ADGRG1: variants seen among roughly 807,000 people sequenced by gnomAD.
ADGRG1 encodes adhesion G protein-coupled receptor G1.
A neutral mutation model predicts 73.5 loss-of-function variants in ADGRG1; 53 were observed. The ratio of observed to expected loss-of-function variants is 0.72; its 90% CI spans 0.58 to 0.91. The LOEUF (loss-of-function observed/expected upper bound fraction) is 0.91, where lower values mean the gene tolerates loss of function less well. Among genes scored for constraint, ADGRG1 ranks in the 40% least tolerant of loss-of-function variants. The probability of loss-of-function intolerance (pLI) is 0.00; values close to 1 mark genes in which losing one functional copy is unlikely to be tolerated. For synonymous variants in ADGRG1, 394 were observed against 374.4 expected (o/e 1.05, Z -0.60); for missense variants, 795 against 871.8 (o/e 0.91, Z 1.11).
rs765957476 is a variant in ADGRG1 at position 57,651,555 on chromosome 16, C to T, written c.420C>T (p.Val140=). 1.1e-5 allele frequency: 17 copies of T among 1,614,098 alleles called. No homozygotes were observed. The East Asian group carries it at 3.3e-4, about 32-fold the overall frequency. The change falls in exon 3 of 14, where the codon GTC becomes GTT. Residue 140 remains valine (V), a synonymous_variant. Coordinates refer to ENST00000562631, the MANE Select transcript of ADGRG1 (RefSeq NM_201525.4). ...AQGPPLLATS[V]TSWWSPQNIS... ...GCCCCCCGCTGTTAGCCACTTCTGT[C>T]ACCTCCTGGTGGAGCCCTCAGAACA...
Position 57,656,251 on chromosome 16 carries a change from T to C in ADGRG1, c.1043T>C (p.Phe348Ser). 1.2e-6 allele frequency: 2 copies of C among 1,608,968 alleles called. No individual in the cohort carries two copies. Among genetic ancestry groups the C allele is most frequent in the Non-Finnish European group, 1.7e-6 (2 of 1,177,506 alleles). ...AAGAATGTGACTCTGCAATGTGTGT[T>C]CTGGGTTGAAGACCCCACATGTGAG... is the stretch of plus-strand genomic sequence containing the variant. Reference protein sequence around the residue: ...QPKNVTLQCVFWVEDPTLSSP... With the variant: ...QPKNVTLQCVSWVEDPTLSSP... The change falls in exon 8 of 14, where the codon TTC becomes TCC. Residue 348 changes from phenylalanine to serine, a missense_variant. Phe to Ser is a radical substitution (Grantham distance 155). Coordinates refer to ENST00000562631, the MANE Select transcript of ADGRG1 (RefSeq NM_201525.4).
Position 57,655,898 on chromosome 16 carries a change from TG to T in ADGRG1, c.926del (p.Gly309ValfsTer14). 1 of 1,614,160 alleles carries T rather than the reference TG, an allele frequency of 6.2e-7. No homozygotes were observed. Among genetic ancestry groups the T allele is most frequent in the Non-Finnish European group, 8.5e-7 (1 of 1,180,020 alleles). On this transcript the variant is annotated frameshift_variant, in exon 7 of 14. Coordinates refer to ENST00000562631, the MANE Select transcript of ADGRG1 (RefSeq NM_201525.4). LOFTEE classifies it high-confidence loss of function. ...LFQDKNSSQV[L>X]GEKVLGIVVQ... ...TAGGACAAGAATTCCAGCCAAGTCC[TG>T]GGTGAGAAGGTCTTGGGGATTGTGG...
intron 1 of ADGRG1, chr16:57,643,853 T>C: frequency 1.0e-6 from 1 of 980,336 alleles, no homozygotes; most frequent in Non-Finnish European, 1.2e-6. Context: ...GCTTCTGCCT[T>C]TGCAAGCTGT....
At chr16:57,655,050 T>G (rs1174517495) in intron 5 of ADGRG1, 1 of 984,946 alleles carries the variant, frequency 1.0e-6, no homozygotes, top group Admixed American at 6.2e-5. Flanking sequence ...GCCCCCTGAG[T>G]GGCTCTGGTT....
intron 1 of ADGRG1, chr16:57,643,075 A>G (rs1280400443): frequency 1.3e-5 from 2 of 152,066 alleles, no homozygotes; most frequent in Non-Finnish European, 2.9e-5. Context: ...GGCCCTTTTC[A>G]CTGCACCAGA....
chr16:57,631,486 G>A, intron 1 of ADGRG1: 3 of 985,602 alleles, frequency 3.0e-6, no homozygotes, highest in African/African-American at 1.7e-5. Context: ...AGGGAGGAGA[G>A]GGGAGTGTGA....
chr16:57,658,852 A>G, intron 10 of ADGRG1: 2 of 501,780 alleles, frequency 4.0e-6, no homozygotes, highest in Non-Finnish European at 5.1e-6. Context: ...AGATGGTGCC[A>G]TGAGTTAGGG....
At chr16:57,636,012 C>T in intron 1 of ADGRG1, 1 of 985,414 alleles carries the variant, frequency 1.0e-6, no homozygotes, top group Non-Finnish European at 1.2e-6. Context: ...GGACACACCC[C>T]ACCCCCAGCC....
chr16:57,665,019 A>G lies in ADGRG1; in HGVS notation c.*1437A>G, dbSNP rs3180467. The G allele has an allele frequency of 0.49, 74,040 of 152,292 alleles. 18,428 individuals are homozygous for G. The highest frequency in any genetic ancestry group is 0.63 in the East Asian group (3,243 of 5,180). The allele number at this position is 152,292 out of a possible 1,614,324, so 9.4% of individuals were successfully genotyped here. On this transcript the variant is annotated 3_prime_UTR_variant, in exon 14 of 14. Coordinates refer to ENST00000562631, the MANE Select transcript of ADGRG1 (RefSeq NM_201525.4). ...AAAATAAAAATCAGCTGTTGTAATC[A>G]CCTAGCAAACTGGCGTAAGCATTTT...
intron 1 of ADGRG1, chr16:57,636,265 C>T (rs533242190): frequency 1.0e-6 from 1 of 985,358 alleles, no homozygotes; most frequent in Admixed American, 6.1e-5. Flanking sequence ...AGGTTCAGTG[C>T]TCACAGATTC....
Position 57,651,588 on chromosome 16 carries a change from G to A in ADGRG1, c.453G>A (p.Leu151=), listed in dbSNP as rs747303828. The A allele has an allele frequency of 1.9e-6, 3 of 1,613,960 alleles. No homozygotes were observed. In the African/African-American group the frequency reaches 4.0e-5, roughly 22 times the overall value. ...GGTGGAGCCCTCAGAACATCAGCCT[G>A]CCCAGTGCCGCCAGCTTCACCTTCT... is the stretch of plus-strand genomic sequence containing the variant. ...TSWWSPQNIS[L]PSAASFTFSF... is the part of the protein sequence containing the mutation. The change falls in exon 3 of 14, where the codon CTG becomes CTA. Residue 151 remains leucine, a synonymous_variant. Coordinates refer to ENST00000562631, the MANE Select transcript of ADGRG1 (RefSeq NM_201525.4).
intron 10 of ADGRG1, 170 bp from the exon 11 acceptor site, chr16:57,659,243 G>T (rs1411918278): frequency 1.3e-6 from 2 of 1,487,430 alleles, no homozygotes; most frequent in African/African-American, 1.4e-5. Flanking sequence ...TGCACAGGGG[G>T]ATGTGGGGAA....
intron 1 of ADGRG1, chr16:57,632,848 C>T (rs2038361742): frequency 1.0e-6 from 1 of 985,308 alleles, no homozygotes; most frequent in Non-Finnish European, 1.2e-6. Context: ...GGGGAGATGG[C>T]CTTGCTGTCC....
chr16:57,655,366 G>A (rs779818995), intron 5 of ADGRG1, 33 bp from the exon 6 acceptor site: 59 of 1,609,108 alleles, frequency 3.7e-5, no homozygotes, highest in South Asian at 7.7e-5. Context: ...CTAGGGGTCC[G>A]CATTTGGCTG....
chr16:57,641,555 T>C, intron 1 of ADGRG1: 1 of 979,764 alleles, frequency 1.0e-6, no homozygotes, highest in Non-Finnish European at 1.2e-6. Context: ...TTCAATCAAT[T>C]CTAAAAGTCC....
Position 57,661,768 on chromosome 16 carries a change from A to G in ADGRG1, c.1736A>G (p.Asn579Ser), listed in dbSNP as rs781224334. ...LGLFSLVFLFNMAMLATMVVQ... is the reference protein window; with the variant it reads ...LGLFSLVFLFSMAMLATMVVQ... ...CTCTTCAGCCTGGTGTTTCTGTTCA[A>G]CATGGCCATGCTAGCCACCATGGTG... The change falls in exon 13 of 14, where the codon AAC (asparagine) becomes AGC (serine). Residue 579 changes from asparagine to serine, a missense_variant. By Grantham distance (46) the Asn-to-Ser change is conservative. Transcript: ENST00000562631. The G allele has an allele frequency of 1.2e-6, 2 of 1,614,170 alleles. No individual in the cohort carries two copies. Among genetic ancestry groups the G allele is most frequent in the East Asian group, 2.2e-5 (1 of 44,878 alleles).
chr16:57,663,381 G>T lies in ADGRG1; in HGVS notation c.1934-71G>T, dbSNP rs147495456. ...GGTGGGGCAGACCCGAGTCACAATG[G>T]CTGGGGAGGGAGGAGGAGGGATGGG... On this transcript the variant is annotated intron_variant, in intron 13 of 13. Transcript: ENST00000562631. 12,004 of 1,598,098 alleles carry T rather than the reference G, an allele frequency of 7.5e-3. 80 individuals carry two copies. Among genetic ancestry groups the T allele is most frequent in the South Asian group, 0.019 (1,705 of 89,776 alleles).
intron 10 of ADGRG1, 62 bp from the exon 11 acceptor site, chr16:57,659,351 T>A (rs1351426820): frequency 2.4e-5 from 39 of 1,610,428 alleles, no homozygotes; most frequent in Non-Finnish European, 3.3e-5. Flanking sequence ...CTGGAGGAGA[T>A]GTGGGCACAC....
In ADGRG1 at chr16:57,632,837, T is replaced by C. The variant is rs1321443057; in HGVS notation, c.-36+4035T>C. The C allele has an allele frequency of 8.1e-6, 8 of 985,202 alleles. 1 individual carries two copies. The highest frequency in any genetic ancestry group is 1.7e-5 in the African/African-American group (1 of 57,236). The allele number at this position is 985,202 out of a possible 1,614,324, so 61.0% of individuals were successfully genotyped here. ...GCATTAGTGGGAGATGGCCTGGCGGTGGGGAGATGGCCTTGCTGTCCAAGA... is the reference window on the plus strand; with the variant it reads ...GCATTAGTGGGAGATGGCCTGGCGGCGGGGAGATGGCCTTGCTGTCCAAGA... On this transcript the variant is annotated intron_variant, in intron 1 of 13. Coordinates refer to ENST00000562631, the MANE Select transcript of ADGRG1 (RefSeq NM_201525.4).
Sources: allele counts gnomAD v4.1 joint callset, GRCh38; gene constraint gnomAD v4.1.1; transcripts MANE v1.5; gene names NCBI Gene and HGNC (gene_info 2026-07-23, HGNC 2026-07-21).